Variants in RUFY3 observed in about 807,000 individuals in gnomAD.
RUFY3 encodes the protein RUN and FYVE domain containing 3.
RUFY3 carries 34 observed loss-of-function variants against 84.0 expected under a neutral mutation model. The ratio of observed to expected loss-of-function variants is 0.40; its 90% CI spans 0.31 to 0.54. RUFY3 has a LOEUF of 0.54. Among genes scored for constraint, RUFY3 ranks in the 20% least tolerant of loss-of-function variants. The probability of loss-of-function intolerance (pLI) is 0.39; values close to 1 mark genes in which losing one functional copy is unlikely to be tolerated. For missense variants in RUFY3, 507 were observed against 736.8 expected (o/e 0.69, Z 3.61); for synonymous variants, 242 against 252.9 (o/e 0.96, Z 0.41).
At chr4:70,777,692 G>A (rs76455367) in intron 7 of RUFY3, among the ~76,000 whole-genome samples, 3,858 of 152,134 alleles carry the variant, frequency 0.025, 135 homozygotes, top group East Asian at 0.16. Context: ...TTCTTTATCT[G>A]TAAATGAGAA....
In RUFY3 at chr4:70,800,166, A is replaced by G; in HGVS notation, c.1583A>G (p.Glu528Gly). Reference sequence around the variant, plus strand: ...GATGGGAAGCACAAAATGCAAGAGGAAAATGTTAAACTAAAAAAGCCCCTG... The same window carrying G: ...GATGGGAAGCACAAAATGCAAGAGGGAAATGTTAAACTAAAAAAGCCCCTG... Reference protein sequence around the residue: ...KMDGKHKMQEENVKLKKPLEE... With the variant: ...KMDGKHKMQEGNVKLKKPLEE... Residue 528 changes from glutamate to glycine, a missense_variant, in exon 15 of 18, where the codon GAA becomes GGA. Glu to Gly is a moderately conservative substitution (Grantham distance 98). Transcript: ENST00000381006. 2 of 1,607,534 alleles carry G rather than the reference A, an allele frequency of 1.2e-6. No individual in the cohort carries two copies. Among genetic ancestry groups the G allele is most frequent in the Non-Finnish European group, 1.7e-6 (2 of 1,178,448 alleles).
At chr4:70,750,030 C>T (rs1722884091) in intron 1 of RUFY3, among the ~76,000 whole-genome samples, 1 of 149,836 alleles carries the variant, frequency 6.7e-6, no homozygotes, top group Non-Finnish European at 1.5e-5. Context: ...GACAGGGTCT[C>T]AACCCTGTTG....
intron 1 of RUFY3, among the ~76,000 whole-genome samples, chr4:70,729,566 CCTCTT>C (rs1231423409): frequency 1.3e-5 from 2 of 152,024 alleles, no homozygotes; most frequent in Non-Finnish European, 2.9e-5. Flanking sequence ...GTTTTTCTCT[CCTCTT>C]AACTGGGAAT....
chr4:70,745,239 C>T (rs376262212), intron 1 of RUFY3, among the ~76,000 whole-genome samples: 14 of 152,104 alleles, frequency 9.2e-5, no homozygotes, highest in Non-Finnish European at 1.5e-4. Context: ...CCACCGCGCC[C>T]GGCCTGAACT....
At chr4:70,792,931 T>C in intron 12 of RUFY3, 1 of 985,348 alleles carries the variant, frequency 1.0e-6, no homozygotes, top group Non-Finnish European at 1.2e-6. Context: ...GGTGATGGGT[T>C]GCCTTTTCTA....
intron 5 of RUFY3, among the ~76,000 whole-genome samples, chr4:70,769,128 C>G (rs907146302): frequency 6.6e-6 from 1 of 152,140 alleles, no homozygotes; most frequent in African/African-American, 2.4e-5. Context: ...AGGAGTATCA[C>G]TTGAACCCAG....
At chr4:70,790,707 T>C (rs1476246998) in intron 12 of RUFY3, among the ~76,000 whole-genome samples, 1 of 152,228 alleles carries the variant, frequency 6.6e-6, no homozygotes. Flanking sequence ...GTAAGCTCCC[T>C]GAGATTAGTT....
chr4:70,783,750 C>G (rs1729317384), intron 9 of RUFY3, among the ~76,000 whole-genome samples: 1 of 152,190 alleles, frequency 6.6e-6, no homozygotes, highest in South Asian at 2.1e-4. Context: ...CAATTCCCTA[C>G]TAAATTATAA....
chr4:70,717,873 ATTTTTTTTTTTT>A (rs1165078654), upstream of RUFY3, among the ~76,000 whole-genome samples: 2 of 82,370 alleles, frequency 2.4e-5, no homozygotes, highest in Non-Finnish European at 4.7e-5. Flanking sequence ...TTGACATGGT[ATTTTTTTTTTTT>A]TTTTTTTTTT....
chr4:70,718,963 C>T (rs1741961622), upstream of RUFY3, among the ~76,000 whole-genome samples: 2 of 152,204 alleles, frequency 1.3e-5, no homozygotes, highest in Admixed American at 1.3e-4. Context: ...GACCCGCCTG[C>T]CTCAGCCTCC....
In RUFY3 at chr4:70,733,095, GGAGA is replaced by G. The variant is rs1203024723; in HGVS notation, c.178+10366_178+10369del. Among the ~76,000 whole-genome samples, 152 of 61,724 alleles carry G rather than the reference GGAGA, an allele frequency of 2.5e-3. 2 individuals carry two copies. The highest frequency in any genetic ancestry group is 0.012 in the East Asian group (27 of 2,344). 40.5% of individuals were successfully genotyped at this position (61,724 alleles called of 152,430 possible). A position where few individuals can be genotyped will look rare whatever the true frequency, so the allele number is the denominator to read the frequency against. ...AGAAAGAGAGAGAGAGAGAGAGAGA[GGAGA>G]GAGAGAGAGAGAGAGAGAGAGGGAG... On this transcript the variant is annotated intron_variant, in intron 1 of 17. Coordinates refer to ENST00000381006, the MANE Select transcript of RUFY3 (RefSeq NM_001037442.4).
chr4:70,749,038 G>A (rs1012278607), intron 1 of RUFY3, among the ~76,000 whole-genome samples: 1 of 152,120 alleles, frequency 6.6e-6, no homozygotes, highest in African/African-American at 2.4e-5. Flanking sequence ...AACTGCGATT[G>A]CCCTCTCACA....
chr4:70,716,525 T>C (rs565401181), intron 1 of RUFY3, among the ~76,000 whole-genome samples: 86 of 152,018 alleles, frequency 5.7e-4, no homozygotes, highest in Non-Finnish European at 1.2e-3. Context: ...ATATGCACAC[T>C]ACGGTTTGGA....
intron 17 of RUFY3, 150 bp from the exon 18 acceptor site, chr4:70,806,366 G>T: frequency 1.2e-6 from 1 of 831,124 alleles, no homozygotes; most frequent in South Asian, 1.9e-5. Context: ...TGTAGATTGG[G>T]CCTGTGTTCA....
chr4:70,803,667 C>T (rs1732517618), intron 16 of RUFY3, among the ~76,000 whole-genome samples: 2 of 151,942 alleles, frequency 1.3e-5, no homozygotes, highest in Admixed American at 6.6e-5. Context: ...CCGCCTTGGC[C>T]TCCCAAAGTG....
chr4:70,720,054 A>G (rs1463375284), upstream of RUFY3, among the ~76,000 whole-genome samples: 1 of 152,130 alleles, frequency 6.6e-6, no homozygotes, highest in Non-Finnish European at 1.5e-5. Flanking sequence ...GCCTTCTTAC[A>G]TTGTACCAGT....
Position 70,778,370 on chromosome 4 carries a change from G to A in RUFY3, c.826G>A (p.Ala276Thr). 4.5e-6 allele frequency: 7 copies of A among 1,560,824 alleles called. No homozygotes were observed. The highest frequency in any genetic ancestry group is 6.2e-6 in the Non-Finnish European group (7 of 1,132,580). ...YVEELNRHLN[A>T]TVNNLQAKVD... ...TTTTTTTTCTTCTCTATATTATAGTGCTACTGTAAACAACCTTCAGGCAAA... is the reference window on the plus strand; with the variant it reads ...TTTTTTTTCTTCTCTATATTATAGTACTACTGTAAACAACCTTCAGGCAAA... The change falls in exon 8 of 18, where the codon GCT becomes ACT. Residue 276 changes from alanine (A) to threonine (T), a missense_variant and splice_region_variant. Ala to Thr is a moderately conservative substitution (Grantham distance 58, BLOSUM62 0). Coordinates refer to ENST00000381006, the MANE Select transcript of RUFY3 (RefSeq NM_001037442.4).
chr4:70,771,220 A>G (rs993654816), intron 5 of RUFY3, among the ~76,000 whole-genome samples: 14 of 152,320 alleles, frequency 9.2e-5, no homozygotes, highest in South Asian at 4.2e-4. Context: ...TGGCACTAAT[A>G]TACTTGCATG....
chr4:70,718,510 G>A (rs1196159773), upstream of RUFY3, among the ~76,000 whole-genome samples: 6 of 151,996 alleles, frequency 3.9e-5, no homozygotes, highest in African/African-American at 1.4e-4. Flanking sequence ...ACTCCCACCC[G>A]CCTCACAACC....
Sources: gnomAD v4.1 joint callset for allele counts (sites outside exome capture counted in the v4.1 genomes callset) on GRCh38, gnomAD v4.1.1 for gene constraint, MANE v1.5 for transcripts, NCBI Gene and HGNC (gene_info 2026-07-23, HGNC 2026-07-21) for gene names.